EPHA4: variants seen among roughly 807,000 people sequenced by gnomAD.
The protein encoded by EPHA4 is EPH receptor A4.
A neutral mutation model predicts 108.3 loss-of-function variants in EPHA4; 19 were observed. The ratio of observed to expected loss-of-function variants is 0.18; its 90% CI spans 0.12 to 0.26. EPHA4 has a LOEUF of 0.26. EPHA4 is among the 10% of genes least tolerant of loss of function. The pLI is 1.00. For missense variants in EPHA4, 917 were observed against 1,254.0 expected, an observed-to-expected ratio of 0.73 and a Z score of 4.06; for synonymous variants, 449 against 455.5, an observed-to-expected ratio of 0.99 and a Z score of 0.18.
At chr2:221,468,233 G>GA (rs66530072) in intron 5 of EPHA4, among the ~76,000 whole-genome samples, 49 of 139,734 alleles carry the variant, frequency 3.5e-4, no homozygotes, top group African/African-American at 1.1e-3. Flanking sequence ...AAGATCAGAG[G>GA]AAAAAAAAAA....
At chr2:221,563,696 C>A in intron 3 of EPHA4, 35 bp downstream of exon 3, 1 of 1,602,480 alleles carries the variant, frequency 6.2e-7, no homozygotes, top group African/African-American at 1.3e-5. Context: ...TCGCACTAAG[C>A]CCCAGTGAAA....
chr2:221,505,848 A>T (rs1211990512), intron 3 of EPHA4, among the ~76,000 whole-genome samples: 2 of 152,174 alleles, frequency 1.3e-5, no homozygotes, highest in Non-Finnish European at 2.9e-5. Flanking sequence ...CCCTGAACCT[A>T]CTTAGAAGAA....
intron 3 of EPHA4, among the ~76,000 whole-genome samples, chr2:221,540,318 A>G (rs916180886): frequency 3.9e-5 from 6 of 152,256 alleles, no homozygotes; most frequent in African/African-American, 1.4e-4. Flanking sequence ...AAAACAAAAC[A>G]AATGAACACC....
At chr2:221,469,088 T>C (rs2106128118) in intron 5 of EPHA4, among the ~76,000 whole-genome samples, 1 of 152,304 alleles carries the variant, frequency 6.6e-6, no homozygotes, top group African/African-American at 2.4e-5. Flanking sequence ...ATGAACCTGA[T>C]TAGAGTGAAT....
rs1380773640 is a variant in EPHA4 at position 221,499,754 on chromosome 2, ATATTTTTTTT to A, written c.979+1253_979+1262del. Among the ~76,000 whole-genome samples the A allele has an allele frequency of 4.5e-3, 158 of 34,804 alleles. 1 individual carries two copies. Among genetic ancestry groups the A allele is most frequent in the African/African-American group, 0.023 (153 of 6,728 alleles). The allele number at this position is 34,804 out of a possible 152,430, so 22.8% of individuals were successfully genotyped here. On this transcript the variant is annotated intron_variant, in intron 4 of 17. Transcript: ENST00000281821. ...TATATATATATATATATATATATATATATTTTTTTTTTTTTTTTTTGAGACAGAGTTTTGC... is the reference window on the plus strand; with the variant it reads ...TATATATATATATATATATATATATATTTTTTTTTTGAGACAGAGTTTTGC...
intron 13 of EPHA4, 72 bp from the exon 14 acceptor site, chr2:221,434,363 T>A: frequency 6.5e-7 from 1 of 1,529,898 alleles, no homozygotes; most frequent in Non-Finnish European, 8.9e-7. Context: ...CTGAATGTAG[T>A]TCCTGCTAGC....
At chr2:221,573,414 G>T (rs575822990), upstream of EPHA4, 5 of 152,312 alleles carry the variant, frequency 3.3e-5, no homozygotes, top group African/African-American at 1.2e-4. The surrounding 1 kb of genome is among the most constrained non-coding windows in gnomAD (Gnocchi z 4.5). Context: ...TGCCCGAGCC[G>T]TGGACGCGGC....
chr2:221,522,754 TA>T (rs1559278058), intron 3 of EPHA4, among the ~76,000 whole-genome samples: 444 of 32,342 alleles, frequency 0.014, 2 homozygotes, highest in African/African-American at 0.099. Flanking sequence ...TTATTATTAT[TA>T]TTATTATTAT....
At chr2:221,488,268 C>T (rs1559262926) in intron 4 of EPHA4, among the ~76,000 whole-genome samples, 2 of 152,258 alleles carry the variant, frequency 1.3e-5, no homozygotes, top group African/African-American at 4.8e-5. Flanking sequence ...TGCTCTCTGG[C>T]ACCCTCAGAA....
In EPHA4 at chr2:221,533,745, A is replaced by C. The variant is rs951853394; in HGVS notation, c.823+29986T>G. ...AGTGTCAAAAAAAAAAAAAAAAAAAAAAAAAAAGCCTGTGAGGGTAGGATT... is the reference window on the plus strand; with the variant it reads ...AGTGTCAAAAAAAAAAAAAAAAAAACAAAAAAAGCCTGTGAGGGTAGGATT... On this transcript the variant is annotated intron_variant, in intron 3 of 17. Transcript: ENST00000281821. 1.5e-3 allele frequency among the ~76,000 whole-genome samples: 231 copies of C among 151,060 alleles called. 1 individual carries two copies. The highest frequency in any genetic ancestry group is 5.2e-3 in the African/African-American group (215 of 41,328).
intron 3 of EPHA4, among the ~76,000 whole-genome samples, chr2:221,532,126 CT>C (rs5838890): frequency 0.56 from 80,292 of 142,716 alleles, 22,362 homozygotes; most frequent in African/African-American, 0.71. Flanking sequence ...TCAATTTATT[CT>C]TTTTTTTTTT....
At chr2:221,426,242 T>G in intron 16 of EPHA4, 100 bp from the exon 17 acceptor site, 1 of 1,161,858 alleles carries the variant, frequency 8.6e-7, no homozygotes, top group Non-Finnish European at 1.3e-6. Context: ...CAGCCACAAT[T>G]AATACAGCAC....
intron 3 of EPHA4, among the ~76,000 whole-genome samples, chr2:221,524,287 T>C (rs1418867921): frequency 6.6e-6 from 1 of 152,212 alleles, no homozygotes; most frequent in Non-Finnish European, 1.5e-5. Context: ...CCTTTAATGC[T>C]AGGCTTCGGG....
At chr2:221,432,818 ATTTTTTTT>A (rs34200694) in intron 14 of EPHA4, among the ~76,000 whole-genome samples, 1 of 89,108 alleles carries the variant, frequency 1.1e-5, no homozygotes, top group African/African-American at 4.3e-5. Flanking sequence ...AAATCTTTGT[ATTTTTTTT>A]TTTTTTTTTT....
At chr2:221,544,694 C>A (rs946895218) in intron 3 of EPHA4, among the ~76,000 whole-genome samples, 1 of 152,106 alleles carries the variant, frequency 6.6e-6, no homozygotes, top group African/African-American at 2.4e-5. Context: ...TGTATCCCCC[C>A]TCCAAAATGT....
intron 5 of EPHA4, among the ~76,000 whole-genome samples, chr2:221,462,071 C>T (rs1691163037): frequency 6.7e-6 from 1 of 148,234 alleles, no homozygotes; most frequent in Admixed American, 6.9e-5. Context: ...GGACTTCTTT[C>T]ATAGAGGAGA....
At chr2:221,565,889 T>C (rs912251894) in intron 2 of EPHA4, among the ~76,000 whole-genome samples, 3 of 152,216 alleles carry the variant, frequency 2.0e-5, no homozygotes, top group Admixed American at 6.5e-5. Context: ...AACACATTTG[T>C]CAATGAAGGC....
chr2:221,465,368 G>C (rs375967519), intron 5 of EPHA4, among the ~76,000 whole-genome samples: 4 of 152,096 alleles, frequency 2.6e-5, no homozygotes, highest in African/African-American at 4.8e-5. Flanking sequence ...CAGAGAGATG[G>C]GCAACGGATT....
intron 5 of EPHA4, among the ~76,000 whole-genome samples, chr2:221,473,552 GAAAA>G (rs772366510): frequency 5.5e-5 from 6 of 109,686 alleles, no homozygotes; most frequent in African/African-American, 1.7e-4. Flanking sequence ...GTGTTTAAAG[GAAAA>G]AAAAAAAAAA....
Sources: allele counts gnomAD v4.1 joint callset (sites outside exome capture counted in the v4.1 genomes callset), GRCh38; gene constraint gnomAD v4.1.1; non-coding constraint Gnocchi (gnomAD v3.1); transcripts MANE v1.5; gene names NCBI Gene and HGNC (gene_info 2026-07-23, HGNC 2026-07-21).